LRP1B: variants seen among roughly 807,000 people sequenced by gnomAD.
The protein encoded by LRP1B is LDL receptor related protein 1B.
Under a neutral mutation model 556.6 loss-of-function variants are expected in LRP1B, and 217 were observed. The observed-to-expected ratio is 0.39, with a 90% CI of 0.35 to 0.44. The LOEUF is 0.44. Ranked by LOEUF, LRP1B falls within the 20% of genes least tolerant of loss-of-function variation. LRP1B has a pLI of 1.00. For missense variants in LRP1B, 5,053 were observed against 5,620.8 expected (o/e 0.90, Z 3.23); for synonymous variants, 2,047 against 1,865.8 (o/e 1.10, Z -2.50).
rs1265613654 is a variant in LRP1B at position 140,702,466 on chromosome 2, C to T, written c.6111G>A (p.Met2037Ile). The T allele has an allele frequency of 6.2e-7, 1 of 1,613,590 alleles. No individual in the cohort carries two copies. The highest frequency in any genetic ancestry group is 1.1e-5 in the South Asian group (1 of 91,072). Reference sequence around the variant, plus strand: ...AGATGCCATTCGGCCATGCTATTCCCATGCTTACAAGGACAACCTTCTCTG... The same window carrying T: ...AGATGCCATTCGGCCATGCTATTCCTATGCTTACAAGGACAACCTTCTCTG... ...DGSEKVVLVS[M>I]GIAWPNGISI... Residue 2037 changes from methionine to isoleucine, a missense_variant, in exon 38 of 91, where the codon ATG becomes ATA. Met to Ile is a conservative substitution (Grantham distance 10, BLOSUM62 1). Transcript: ENST00000389484.
intron 1 of LRP1B, among the ~76,000 whole-genome samples, chr2:142,038,953 G>C (rs1380862514): frequency 2.6e-5 from 4 of 151,322 alleles, no homozygotes; most frequent in African/African-American, 9.7e-5. Context: ...TGTTTTTCTT[G>C]CTCAAGTTTT....
At chr2:141,281,543 A>G (rs1685509838) in intron 3 of LRP1B, among the ~76,000 whole-genome samples, 1 of 152,068 alleles carries the variant, frequency 6.6e-6, no homozygotes, top group Admixed American at 6.5e-5. Context: ...AAAGATGTTA[A>G]TATTTTTACT....
chr2:140,937,322 G>A (rs181281071), intron 20 of LRP1B, among the ~76,000 whole-genome samples: 6 of 152,192 alleles, frequency 3.9e-5, no homozygotes, highest in Admixed American at 3.9e-4. Flanking sequence ...GTGACATTGT[G>A]CTGAGTAAAA....
chr2:141,803,424 T>C (rs1425805354), intron 2 of LRP1B, among the ~76,000 whole-genome samples: 1 of 151,834 alleles, frequency 6.6e-6, no homozygotes, highest in African/African-American at 2.4e-5. Context: ...CTTTTTATTA[T>C]TAAAGAAGGG....
At chr2:141,841,787 G>A (rs1296013438) in intron 1 of LRP1B, among the ~76,000 whole-genome samples, 1 of 152,086 alleles carries the variant, frequency 6.6e-6, no homozygotes, top group Non-Finnish European at 1.5e-5. Context: ...CTCATATAAT[G>A]GTAGCAAGAG....
chr2:141,464,606 A>ATATAATATATATATATTTT, intron 3 of LRP1B, among the ~76,000 whole-genome samples: 1 of 90,562 alleles, frequency 1.1e-5, no homozygotes. Flanking sequence ...ATATATATAT[A>ATATAATATATATATATTTT]TTTTTTTAGT....
At chr2:141,872,232 T>A (rs1698613513) in intron 1 of LRP1B, among the ~76,000 whole-genome samples, 1 of 151,982 alleles carries the variant, frequency 6.6e-6, no homozygotes, top group African/African-American at 2.4e-5. Flanking sequence ...TGTGTGTATG[T>A]GCATTTCCTT....
At chr2:140,868,023 T>G in intron 26 of LRP1B, 76 bp downstream of exon 26, 3 of 1,463,072 alleles carry the variant, frequency 2.1e-6, no homozygotes, top group Non-Finnish European at 2.8e-6. Flanking sequence ...GATACTGACA[T>G]GTTAGGACAC....
intron 54 of LRP1B, 148 bp downstream of exon 54, chr2:140,502,815 T>C: frequency 4.5e-6 from 3 of 668,172 alleles, no homozygotes; most frequent in Non-Finnish European, 4.7e-6. Flanking sequence ...ACAGAGTCAA[T>C]TACTAGTACC....
At chr2:141,249,323 G>A (rs1316190237) in intron 4 of LRP1B, among the ~76,000 whole-genome samples, 5 of 152,160 alleles carry the variant, frequency 3.3e-5, no homozygotes, top group Admixed American at 1.3e-4. Context: ...AGGGTGGGAC[G>A]CAGTGGCTCA....
rs181094216 is a variant in LRP1B, at chr2:140,672,029, T to A, written c.6799+28221A>T. ...GTAATTTCATCATCTAAATCAGCTA[T>A]GTTTAAAATTCTGGGCATGGTCTAT... On this transcript the variant is annotated intron_variant, in intron 41 of 90. Transcript: ENST00000389484. 1.4e-4 allele frequency among the ~76,000 whole-genome samples: 22 copies of A among 152,346 alleles called. No individual in the cohort carries two copies. The East Asian group carries it at 4.2e-3, about 29-fold the overall frequency.
chr2:141,160,534 T>G (rs1367362955), intron 7 of LRP1B, among the ~76,000 whole-genome samples: 1 of 151,996 alleles, frequency 6.6e-6, no homozygotes, highest in South Asian at 2.1e-4. Flanking sequence ...ATAAATATCA[T>G]CTGGTACAGC....
intron 1 of LRP1B, among the ~76,000 whole-genome samples, chr2:141,901,854 T>C (rs894271252): frequency 1.3e-5 from 2 of 151,880 alleles, no homozygotes; most frequent in Non-Finnish European, 2.9e-5. Context: ...ATTATTTGAA[T>C]GATGTCAACT....
intron 2 of LRP1B, among the ~76,000 whole-genome samples, chr2:141,731,849 A>G (rs1255911267): frequency 1.3e-5 from 2 of 152,058 alleles, no homozygotes; most frequent in Non-Finnish European, 2.9e-5. Context: ...GTCTGCCCAC[A>G]CTACTGTTTT....
intron 31 of LRP1B, among the ~76,000 whole-genome samples, chr2:140,820,681 C>G (rs1691295553): frequency 6.6e-6 from 1 of 152,104 alleles, no homozygotes; most frequent in African/African-American, 2.4e-5. Context: ...TATTTTATAG[C>G]TTGATAAGTA....
At position 140,274,583 on chromosome 2, in the gene LRP1B, T is replaced by C; in HGVS notation, c.12983A>G (p.Tyr4328Cys). 1 of 1,611,188 alleles carries C rather than the reference T, an allele frequency of 6.2e-7. No individual in the cohort carries two copies. The highest frequency in any genetic ancestry group is 1.7e-5 in the Admixed American group (1 of 59,578). Residue 4328 changes from tyrosine (Y) to cysteine (C), a missense_variant, in exon 85 of 91, where the codon TAT becomes TGT. Transcript: ENST00000389484. ...DRCQYYVCHH[Y>C]CVNSESCTIG... ...GGTACATGATTCAGAATTCACACAA[T>C]AGTGGTGGCACACGTCTAGGAAAAA...
intron 3 of LRP1B, among the ~76,000 whole-genome samples, chr2:141,281,142 C>T (rs772737285): frequency 9.2e-5 from 14 of 151,956 alleles, no homozygotes; most frequent in Non-Finnish European, 1.8e-4. Flanking sequence ...TACCCTAAGC[C>T]TTATTTTCCT....
At chr2:140,403,580 A>C (rs1289785518) in intron 66 of LRP1B, among the ~76,000 whole-genome samples, 3 of 152,190 alleles carry the variant, frequency 2.0e-5, no homozygotes, top group Non-Finnish European at 2.9e-5. Flanking sequence ...AAGATAAAGA[A>C]AAAAGAATCA....
intron 1 of LRP1B, among the ~76,000 whole-genome samples, chr2:141,856,995 C>T (rs1176024299): frequency 3.3e-5 from 5 of 151,360 alleles, no homozygotes; most frequent in African/African-American, 7.3e-5. Flanking sequence ...GTCCTCAACT[C>T]TAAAATGTGA....
Sources: gnomAD v4.1 joint callset for allele counts (sites outside exome capture counted in the v4.1 genomes callset) on GRCh38, gnomAD v4.1.1 for gene constraint, MANE v1.5 for transcripts, NCBI Gene and HGNC (gene_info 2026-07-23, HGNC 2026-07-21) for gene names.